Variants in RPL36A observed in about 807,000 individuals in gnomAD.
RPL36A encodes the protein large ribosomal subunit protein eL42.
For synonymous variants in RPL36A, 25 were observed against 28.5 expected, an observed-to-expected ratio of 0.88 and a Z score of 0.39; for missense variants, 20 against 81.0, an observed-to-expected ratio of 0.25 and a Z score of 2.89.
At chrX:101,392,576 G>A (rs1927851791) in intron 3 of RPL36A, 24 of 752,591 alleles carry the variant, frequency 3.2e-5, no homozygotes, top group Non-Finnish European at 3.6e-5. Flanking sequence ...GTTCTAACTA[G>A]GTTTTGGCCT....
At position 101,395,549 on chromosome X, in the gene RPL36A, G is replaced by A. The variant is rs1458506646; in HGVS notation, c.300+92G>A. 15 of 1,128,548 alleles carry A rather than the reference G, an allele frequency of 1.3e-5. No homozygotes were observed. The Admixed American group carries it at 3.9e-4, about 30-fold the overall frequency. The allele number at this position is 1,128,548 out of a possible 1,213,427, so 93.0% of individuals were successfully genotyped here. A position where few individuals can be genotyped will look rare whatever the true frequency, so the allele number is the denominator to read the frequency against. ...ATTCATTGTGGCATAGAGCTCAGGGGTAATCCTCTAAAAATATTAGATCTA... is the reference window on the plus strand; with the variant it reads ...ATTCATTGTGGCATAGAGCTCAGGGATAATCCTCTAAAAATATTAGATCTA... On this transcript the variant is annotated intron_variant, in intron 4 of 4. Transcript: ENST00000553110.
In RPL36A at chrX:101,395,619, G is replaced by C. The variant is rs1927996956; in HGVS notation, c.301-109G>C. 4.6e-6 allele frequency: 5 copies of C among 1,089,744 alleles called. No individual in the cohort carries two copies. In the South Asian group the frequency reaches 9.9e-5, roughly 22 times the overall value. 89.8% of individuals were successfully genotyped at this position (1,089,744 alleles called of 1,213,427 possible). A position where few individuals can be genotyped will look rare whatever the true frequency, so the allele number is the denominator to read the frequency against. On this transcript the variant is annotated intron_variant, in intron 4 of 4. Coordinates refer to ENST00000553110, the MANE Select transcript of RPL36A (RefSeq NM_021029.6). ...TCTTTTGCTACAAGGAGGAAAGGAA[G>C]AATGAGGCAGCTTAACAGCATGGTG...
chrX:101,391,323 GCT>G, intron 1 of RPL36A, 134 bp from the exon 2 acceptor site: 1 of 795,842 alleles, frequency 1.3e-6, no homozygotes, highest in Non-Finnish European at 1.9e-6. Flanking sequence ...AGCACATGGG[GCT>G]GGCCCACCCT....
At position 101,395,582 on chromosome X, in the gene RPL36A, A is replaced by G. The variant is rs1198982304; in HGVS notation, c.300+125A>G. On this transcript the variant is annotated intron_variant, in intron 4 of 4. Coordinates refer to ENST00000553110, the MANE Select transcript of RPL36A (RefSeq NM_021029.6). ...CTAAAAATATTAGATCTATAGCTAAAGATATGTGAGGTCTTTTGCTACAAG... is the reference window on the plus strand; with the variant it reads ...CTAAAAATATTAGATCTATAGCTAAGGATATGTGAGGTCTTTTGCTACAAG... 3 of 1,090,725 alleles carry G rather than the reference A, an allele frequency of 2.8e-6. No individual in the cohort carries two copies. In the African/African-American group the frequency reaches 5.5e-5, roughly 20 times the overall value. The allele number at this position is 1,090,725 out of a possible 1,213,427, so 89.9% of individuals were successfully genotyped here. A position where few individuals can be genotyped will look rare whatever the true frequency, so the allele number is the denominator to read the frequency against.
intron 3 of RPL36A, among the ~76,000 whole-genome samples, chrX:101,394,781 T>A (rs1467421399): frequency 1.3e-5 from 1 of 74,342 alleles, no homozygotes; most frequent in African/African-American, 9.4e-5. Context: ...ATATAATATA[T>A]ATATATATAT....
At chrX:101,394,798 T>A (rs1442441550) in intron 3 of RPL36A, among the ~76,000 whole-genome samples, 12 of 72,229 alleles carry the variant, frequency 1.7e-4, no homozygotes, top group African/African-American at 1.1e-3. Context: ...ATATTTTTTT[T>A]TTTTTTTTGA....
intron 3 of RPL36A, 125 bp downstream of exon 3, chrX:101,391,947 A>G (rs1927824672): frequency 6.7e-6 from 8 of 1,186,105 alleles, no homozygotes; most frequent in Admixed American, 4.7e-5. Flanking sequence ...CTGCACTGAT[A>G]TATCTAGTAG....
rs781799542 is a variant in RPL36A, at chrX:101,395,749, G to A, written c.*1G>A. ...ACAGGGCCAAGTGATCCAGTTCTAA[G>A]TGTCATCTTTTATTATGAAGACAAT... is the stretch of plus-strand genomic sequence containing the variant. On this transcript the variant is annotated 3_prime_UTR_variant, in exon 5 of 5. Transcript: ENST00000553110. The A allele has an allele frequency of 2.5e-6, 3 of 1,205,266 alleles. No individual in the cohort carries two copies. In the South Asian group the frequency reaches 5.4e-5, roughly 22 times the overall value.
rs1401140106 is a variant in RPL36A at position 101,396,083 on chromosome X, C to A, written c.*335C>A. 4.5e-6 allele frequency: 1 copy of A among 220,718 alleles called. No individual in the cohort carries two copies. Among genetic ancestry groups the A allele is most frequent in the African/African-American group, 2.9e-5 (1 of 34,361 alleles). 18.2% of individuals were successfully genotyped at this position (220,718 alleles called of 1,213,427 possible). A position where few individuals can be genotyped will look rare whatever the true frequency, so the allele number is the denominator to read the frequency against. The stretch of plus-strand genomic sequence containing the variant: ...CACATTCATAGTGAATATGAGATGT[C>A]TTTGCTAAGAGTTAAGTGTCAGATC... On this transcript the variant is annotated 3_prime_UTR_variant, in exon 5 of 5. Transcript: ENST00000553110.
chrX:101,391,175 G>A (rs1307335292), intron 1 of RPL36A, 129 bp downstream of exon 1: 2 of 803,786 alleles, frequency 2.5e-6, no homozygotes, highest in South Asian at 2.3e-5. Context: ...CAATCTTGCC[G>A]GGATCAACCC....
intron 1 of RPL36A, 150 bp from the exon 2 acceptor site, chrX:101,391,309 T>C: frequency 1.4e-6 from 1 of 716,341 alleles, no homozygotes; most frequent in Non-Finnish European, 2.1e-6. Context: ...GAAGCTCTGC[T>C]TGAAGCACAT....
chrX:101,391,174 CG>C, intron 1 of RPL36A, 128 bp downstream of exon 1: 1 of 800,215 alleles, frequency 1.2e-6, no homozygotes, highest in African/African-American at 2.0e-5. Flanking sequence ...CCAATCTTGC[CG>C]GGATCAACCC....
chrX:101,392,345 GCT>G, intron 3 of RPL36A: 2 of 856,600 alleles, frequency 2.3e-6, no homozygotes, highest in Non-Finnish European at 2.9e-6. Context: ...AGGTGATTTG[GCT>G]AACTCTTAAA....
At chrX:101,391,291 G>A in intron 1 of RPL36A, 168 bp from the exon 2 acceptor site, 2 of 650,359 alleles carry the variant, frequency 3.1e-6, no homozygotes, top group South Asian at 2.7e-5. Flanking sequence ...GGGGCTCGAC[G>A]GAGGGAGGAA....
At chrX:101,391,912 T>C in intron 3 of RPL36A, 90 bp downstream of exon 3, 1 of 1,193,182 alleles carries the variant, frequency 8.4e-7, no homozygotes, top group South Asian at 1.9e-5. Context: ...GATATAGGTA[T>C]AGCGTTAGTT....
At chrX:101,391,338 A>T in intron 1 of RPL36A, 121 bp from the exon 2 acceptor site, 1 of 872,634 alleles carries the variant, frequency 1.1e-6, no homozygotes, top group Non-Finnish European at 1.7e-6. Context: ...CCCACCCTGT[A>T]GTCAGAGGTA....
At chrX:101,392,883 G>A (rs1927866773) in intron 3 of RPL36A, 1 of 112,632 alleles carries the variant, frequency 8.9e-6, no homozygotes, top group African/African-American at 3.3e-5. Flanking sequence ...GGAAAGCCGA[G>A]GCGGGTGGAT....
intron 1 of RPL36A, 29 bp downstream of exon 1, chrX:101,391,075 C>T (rs782490457): frequency 3.9e-5 from 47 of 1,195,179 alleles, no homozygotes; most frequent in Non-Finnish European, 5.0e-5. Flanking sequence ...GGCCGAGTAA[C>T]ATCCAGCTTA....
chrX:101,391,302 G>A (rs781861542), intron 1 of RPL36A, 157 bp from the exon 2 acceptor site: 10 of 679,268 alleles, frequency 1.5e-5, no homozygotes, highest in Non-Finnish European at 1.8e-5. Flanking sequence ...GAGGGAGGAA[G>A]CTCTGCTTGA....
Sources: allele counts gnomAD v4.1 joint callset (sites outside exome capture counted in the v4.1 genomes callset), GRCh38; gene constraint gnomAD v4.1.1; transcripts MANE v1.5; gene names NCBI Gene and HGNC (gene_info 2026-07-23, HGNC 2026-07-21).